Variants in TRPM4 observed in about 807,000 individuals in gnomAD.
The protein encoded by TRPM4 is calcium-activated non-selective cation channel 1.
TRPM4 carries 124 observed loss-of-function variants against 135.6 expected under a neutral mutation model. The ratio of observed to expected loss-of-function variants is 0.91; its 90% CI spans 0.79 to 1.06. TRPM4 has a LOEUF of 1.06. Ranked by LOEUF, TRPM4 falls within the 50% of genes least tolerant of loss-of-function variation. The pLI, the probability that TRPM4 is intolerant of heterozygous loss-of-function variation, is 0.00. For missense variants in TRPM4, 1,658 were observed against 1,671.4 expected (o/e 0.99, Z 0.14); for synonymous variants, 745 against 705.6 (o/e 1.06, Z -0.88).
intron 16 of TRPM4, among the ~76,000 whole-genome samples, chr19:49,191,282 T>G (rs1021625724): frequency 1.3e-5 from 2 of 152,044 alleles, no homozygotes; most frequent in Non-Finnish European, 1.5e-5. Flanking sequence ...CTTGGCTCAC[T>G]GCAGCCTCTG....
At position 49,157,852 on chromosome 19, in the gene TRPM4, G is replaced by T. The variant is rs545843758; in HGVS notation, c.-15G>T. The stretch of plus-strand genomic sequence containing the variant: ...GGGGCCCTGGGCTGCAGGAGGTTGC[G>T]GCGGCCGCGGCAGCATGGTGGTGCC... On this transcript the variant is annotated 5_prime_UTR_variant, in exon 1 of 25. Transcript: ENST00000252826. The T allele has an allele frequency of 6.5e-6, 10 of 1,534,586 alleles. No homozygotes were observed. In the South Asian group the frequency reaches 1.2e-4, roughly 18 times the overall value.
intron 19 of TRPM4, among the ~76,000 whole-genome samples, chr19:49,201,688 C>T (rs1968938778): frequency 6.6e-6 from 1 of 152,220 alleles, no homozygotes; most frequent in Non-Finnish European, 1.5e-5. Flanking sequence ...ACCTCCACCT[C>T]CCAGATCGAA....
At chr19:49,192,206 G>A (rs943172180) in intron 16 of TRPM4, among the ~76,000 whole-genome samples, 4 of 152,020 alleles carry the variant, frequency 2.6e-5, no homozygotes, top group African/African-American at 7.2e-5. Flanking sequence ...GCGGTGCCGC[G>A]ATCTCATCTC....
At chr19:49,197,652 T>TTTTGTTTG (rs138152671) in intron 17 of TRPM4, among the ~76,000 whole-genome samples, 1 of 149,958 alleles carries the variant, frequency 6.7e-6, no homozygotes, top group Non-Finnish European at 1.5e-5. Flanking sequence ...GTGACTGGTT[T>TTTTGTTTG]TTTGTTTGTT....
chr19:49,172,223 T>C, intron 9 of TRPM4, 115 bp downstream of exon 9: 1 of 839,248 alleles, frequency 1.2e-6, no homozygotes, highest in East Asian at 2.5e-5. Flanking sequence ...CCTTTACCCC[T>C]CTTAATATTT....
chr19:49,177,572 T>C (rs1967747501), intron 9 of TRPM4, among the ~76,000 whole-genome samples: 1 of 152,032 alleles, frequency 6.6e-6, no homozygotes, highest in Non-Finnish European at 1.5e-5. Context: ...GTGATCTGCC[T>C]GCCTCGGCCT....
chr19:49,210,749 C>CCGA lies in TRPM4; in HGVS notation c.3368_3369insCGA (p.Thr1123_Trp1124insGlu), dbSNP rs1969327553. 1 of 1,614,040 alleles carries CCGA rather than the reference C, an allele frequency of 6.2e-7. No homozygotes were observed. Among genetic ancestry groups the CCGA allele is most frequent in the Non-Finnish European group, 8.5e-7 (1 of 1,180,048 alleles). On this transcript the variant is annotated inframe_insertion, in exon 22 of 25. Transcript: ENST00000252826. This position sits in a 1 kb window ranked among gnomAD's most constrained non-coding sequence, Gnocchi z 4.1. ...AAGGAAGCCGAGCGGAAGCTGCTAA[C>CCGA]GTGGGAATCGGTGCATAAGGAGAAC...
In TRPM4 at chr19:49,173,581, C is replaced by CAGCTTGG. The variant is rs559249177; in HGVS notation, c.1150+1476_1150+1482dup. On this transcript the variant is annotated intron_variant, in intron 9 of 24. Coordinates refer to ENST00000252826, the MANE Select transcript of TRPM4 (RefSeq NM_017636.4). ...AGTCCAGATATTTCACTAGAAATGG[C>CAGCTTGG]AGCTTGGAGGACGGAATGATGAAAA... 1.1e-4 allele frequency among the ~76,000 whole-genome samples: 17 copies of CAGCTTGG among 152,324 alleles called. No homozygotes were observed. The South Asian group carries it at 3.3e-3, about 30-fold the overall frequency.
At chr19:49,192,526 CAG>C (rs1374628481) in intron 16 of TRPM4, among the ~76,000 whole-genome samples, 1 of 152,280 alleles carries the variant, frequency 6.6e-6, no homozygotes, top group African/African-American at 2.4e-5. Context: ...ATTTCCTTTG[CAG>C]TGACATGGTT....
intron 14 of TRPM4, among the ~76,000 whole-genome samples, chr19:49,189,866 G>A (rs1229874295): frequency 6.6e-6 from 1 of 152,126 alleles, no homozygotes; most frequent in Non-Finnish European, 1.5e-5. Context: ...TACAAACTGT[G>A]TTTCTTTGGG....
chr19:49,199,124 T>A (rs1316279910), intron 17 of TRPM4, among the ~76,000 whole-genome samples: 1 of 152,204 alleles, frequency 6.6e-6, no homozygotes. Context: ...GAAAAAAAAT[T>A]TGCCAATTTA....
intron 3 of TRPM4, among the ~76,000 whole-genome samples, chr19:49,166,612 C>A (rs1448603956): frequency 1.4e-5 from 2 of 146,744 alleles, no homozygotes; most frequent in Admixed American, 1.4e-4. Context: ...CTCTGGGTCT[C>A]TGTCCCCCTC....
chr19:49,196,871 G>C lies in TRPM4; in HGVS notation c.2642G>C (p.Cys881Ser), dbSNP rs969529481. ...ALTCFLLGVG[C>S]RLTPGLYHLG... ...ACCTGCTTCCTCCTGGGCGTGGGCT[G>C]CCGGTGAGTGCCCCGGGGCCTTGGA... The change falls in exon 17 of 25, where the codon TGC (cysteine) becomes TCC (serine). Residue 881 changes from cysteine to serine, a missense_variant. Physicochemically the swap from Cys to Ser is moderately radical, Grantham distance 112. Around this residue, in one of 3 missense-constraint regions of TRPM4, gnomAD observed 1,412 missense variants for 1,408.7 expected, o/e 1.00. Coordinates refer to ENST00000252826, the MANE Select transcript of TRPM4 (RefSeq NM_017636.4). 6.3e-7 allele frequency: 1 copy of C among 1,578,372 alleles called. No homozygotes were observed. The highest frequency in any genetic ancestry group is 8.5e-7 in the Non-Finnish European group (1 of 1,171,068).
intron 9 of TRPM4, among the ~76,000 whole-genome samples, chr19:49,176,817 C>A (rs1041801078): frequency 2.6e-5 from 4 of 152,182 alleles, no homozygotes; most frequent in Non-Finnish European, 5.9e-5. Context: ...TGCCACTGCA[C>A]TCCAGCCTGG....
chr19:49,202,174 C>T (rs773975187), intron 20 of TRPM4, 33 bp downstream of exon 20: 3 of 1,611,422 alleles, frequency 1.9e-6, no homozygotes, highest in Middle Eastern at 1.7e-4. Context: ...TCTGACCCCA[C>T]CCAGCATGAC....
At chr19:49,184,921 G>A (rs1009232540) in intron 12 of TRPM4, among the ~76,000 whole-genome samples, 3 of 141,886 alleles carry the variant, frequency 2.1e-5, no homozygotes, top group Non-Finnish European at 3.1e-5. Flanking sequence ...GATGTTTTCT[G>A]TGTTTTTTTC....
At chr19:49,187,970 G>A (rs111542079) in intron 12 of TRPM4, among the ~76,000 whole-genome samples, 2,401 of 152,300 alleles carry the variant, frequency 0.016, 31 homozygotes, top group Non-Finnish European at 0.02. Context: ...ACTATCTCAA[G>A]CACTCATCTT....
At chr19:49,185,562 C>A (rs1444052484) in intron 12 of TRPM4, among the ~76,000 whole-genome samples, 2 of 151,348 alleles carry the variant, frequency 1.3e-5, no homozygotes, top group Non-Finnish European at 2.9e-5. Context: ...CTTTTTTTTC[C>A]AGTATATGAA....
At chr19:49,192,693 C>T (rs187905500) in intron 16 of TRPM4, among the ~76,000 whole-genome samples, 280 of 151,946 alleles carry the variant, frequency 1.8e-3, no homozygotes, top group African/African-American at 6.3e-3. Flanking sequence ...GAGGGTAGGG[C>T]GAGGGAGAGG....
Sources: allele counts gnomAD v4.1 joint callset (sites outside exome capture counted in the v4.1 genomes callset), GRCh38; gene constraint gnomAD v4.1.1; regional missense constraint gnomAD v4.1.1; non-coding constraint Gnocchi (gnomAD v3.1); transcripts MANE v1.5; gene names NCBI Gene and HGNC (gene_info 2026-07-23, HGNC 2026-07-21).